The following FBXL7 variants were observed in gnomAD, a reference collection of about 807,000 sequenced individuals.
FBXL7 encodes F-box and leucine rich repeat protein 7.
Under a neutral mutation model 38.3 loss-of-function variants are expected in FBXL7, and 12 were observed. The observed-to-expected ratio is 0.31, with a 90% CI of 0.20 to 0.51. The LOEUF (loss-of-function observed/expected upper bound fraction) is 0.51. FBXL7 is among the 20% of genes least tolerant of loss of function. The pLI is 0.98. For missense variants in FBXL7, 567 were observed against 676.4 expected, an observed-to-expected ratio of 0.84 and a Z score of 1.79; for synonymous variants, 297 against 300.9, an observed-to-expected ratio of 0.99 and a Z score of 0.13.
chr5:15,625,322 T>C lies in FBXL7; in HGVS notation c.127+9250T>C, dbSNP rs1272492976. ...ATCTAAAGTATATGTAATAAAAAAT[T>C]ACTGAATAGTTATTTTACTGATTTT... On this transcript the variant is annotated intron_variant, in intron 2 of 3. Coordinates refer to ENST00000504595, the MANE Select transcript of FBXL7 (RefSeq NM_012304.5). Among the ~76,000 whole-genome samples the C allele has an allele frequency of 2.0e-5, 3 of 152,222 alleles. No homozygotes were observed. The East Asian group carries it at 5.8e-4, about 30-fold the overall frequency.
At chr5:15,799,237 A>T (rs1737494416) in intron 2 of FBXL7, among the ~76,000 whole-genome samples, 1 of 151,988 alleles carries the variant, frequency 6.6e-6, no homozygotes, top group African/African-American at 2.4e-5. Context: ...AGTTCTGTGG[A>T]TAGACAGAAG....
At chr5:15,537,526 C>T (rs905618932) in intron 1 of FBXL7, among the ~76,000 whole-genome samples, 2 of 152,252 alleles carry the variant, frequency 1.3e-5, no homozygotes, top group Non-Finnish European at 2.9e-5. Context: ...AAGAGCCGTT[C>T]TTCCCCATCC....
At chr5:15,812,239 A>T (rs1034282499) in intron 2 of FBXL7, among the ~76,000 whole-genome samples, 2 of 152,130 alleles carry the variant, frequency 1.3e-5, no homozygotes, top group Non-Finnish European at 2.9e-5. Context: ...ACATAGGAAC[A>T]AAAAAACAAA....
chr5:15,571,977 A>T (rs1738803409), intron 1 of FBXL7, among the ~76,000 whole-genome samples: 3 of 152,146 alleles, frequency 2.0e-5, no homozygotes, highest in Admixed American at 2.0e-4. Flanking sequence ...CAGAGCTTCC[A>T]GGTTCCGATT....
Position 15,936,711 on chromosome 5 carries a change from G to A in FBXL7, c.1001G>A (p.Cys334Tyr). 6.2e-7 allele frequency: 1 copy of A among 1,608,270 alleles called. No homozygotes were observed. The highest frequency in any genetic ancestry group is 8.5e-7 in the Non-Finnish European group (1 of 1,179,516). Residue 334 changes from cysteine to tyrosine, a missense_variant, in exon 4 of 4, where the codon TGC becomes TAC. Transcript: ENST00000504595. The surrounding 1 kb of genome is among the most constrained non-coding windows in gnomAD (Gnocchi z 6.0). Reference protein sequence around the residue: ...ASIKELSVSDCRFVSDFGLRE... With the variant: ...ASIKELSVSDYRFVSDFGLRE... ...ATCAAGGAGCTGAGCGTCAGCGACTGCCGCTTCGTCAGCGACTTCGGCCTG... is the reference window on the plus strand; with the variant it reads ...ATCAAGGAGCTGAGCGTCAGCGACTACCGCTTCGTCAGCGACTTCGGCCTG...
At chr5:15,544,784 A>G (rs964891112) in intron 1 of FBXL7, among the ~76,000 whole-genome samples, 1 of 152,140 alleles carries the variant, frequency 6.6e-6, no homozygotes, top group Non-Finnish European at 1.5e-5. Flanking sequence ...GGAGCATGGA[A>G]TAGTATCCTG....
At chr5:15,670,198 A>T (rs1050231030) in intron 2 of FBXL7, among the ~76,000 whole-genome samples, 16 of 152,340 alleles carry the variant, frequency 1.1e-4, no homozygotes, top group African/African-American at 2.9e-4. Context: ...CAACAGAAAA[A>T]GTCTATCTTA....
In FBXL7 at chr5:15,608,347, C is replaced by T. The variant is rs938256051; in HGVS notation, c.38-7636C>T. On this transcript the variant is annotated intron_variant, in intron 1 of 3. Coordinates refer to ENST00000504595, the MANE Select transcript of FBXL7 (RefSeq NM_012304.5). ...AGAGCTAATGGCTGTCTTTTGTTTG[C>T]GTGTGCATATCTTTATTTTATGGTT... Among the ~76,000 whole-genome samples, 29 of 152,030 alleles carry T rather than the reference C, an allele frequency of 1.9e-4. 1 individual carries two copies. The highest frequency in any genetic ancestry group is 3.4e-4 in the Non-Finnish European group (23 of 68,008).
At chr5:15,706,754 G>A (rs1460607416) in intron 2 of FBXL7, among the ~76,000 whole-genome samples, 1 of 152,192 alleles carries the variant, frequency 6.6e-6, no homozygotes, top group Non-Finnish European at 1.5e-5. Context: ...TTCCCTAAGT[G>A]TCTGATTTAA....
At chr5:15,704,513 A>C (rs1743623132) in intron 2 of FBXL7, among the ~76,000 whole-genome samples, 1 of 152,200 alleles carries the variant, frequency 6.6e-6, no homozygotes, top group Non-Finnish European at 1.5e-5. Context: ...GATTACAGAA[A>C]AGCACTATGA....
At chr5:15,635,835 C>T (rs1326071162) in intron 2 of FBXL7, among the ~76,000 whole-genome samples, 1 of 152,018 alleles carries the variant, frequency 6.6e-6, no homozygotes, top group Admixed American at 6.6e-5. Context: ...GGGCACCTGC[C>T]ACCTCCGTAG....
At chr5:15,860,464 T>C (rs1319214760) in intron 2 of FBXL7, among the ~76,000 whole-genome samples, 2 of 152,222 alleles carry the variant, frequency 1.3e-5, no homozygotes, top group African/African-American at 2.4e-5. Context: ...GGAATTCTGA[T>C]CCAAGCCTTG....
At chr5:15,879,420 A>G (rs977332415) in intron 2 of FBXL7, among the ~76,000 whole-genome samples, 1 of 152,186 alleles carries the variant, frequency 6.6e-6, no homozygotes, top group African/African-American at 2.4e-5. Flanking sequence ...GCCTCTCTGG[A>G]GGTTAAAGAG....
intron 2 of FBXL7, among the ~76,000 whole-genome samples, chr5:15,705,802 C>T (rs1343520639): frequency 4.0e-5 from 6 of 151,548 alleles, no homozygotes; most frequent in African/African-American, 9.7e-5. Context: ...AAACTGAACT[C>T]ATAATCTAAT....
intron 2 of FBXL7, among the ~76,000 whole-genome samples, chr5:15,644,013 A>G (rs969859594): frequency 2.0e-5 from 3 of 152,204 alleles, no homozygotes; most frequent in Non-Finnish European, 4.4e-5. Flanking sequence ...AGGGATGATG[A>G]ACCTGTCAGG....
intron 2 of FBXL7, among the ~76,000 whole-genome samples, chr5:15,681,670 T>G (rs528622344): frequency 8.5e-5 from 13 of 152,322 alleles, no homozygotes; most frequent in Admixed American, 8.5e-4. Flanking sequence ...AACTGTACTT[T>G]TAGTCAGATA....
At chr5:15,559,134 C>G (rs1315054093) in intron 1 of FBXL7, among the ~76,000 whole-genome samples, 1 of 152,104 alleles carries the variant, frequency 6.6e-6, no homozygotes, top group African/African-American at 2.4e-5. Context: ...GAAGAATGCA[C>G]AGGAACATAA....
chr5:15,519,311 C>G (rs1218620992), intron 1 of FBXL7, among the ~76,000 whole-genome samples: 5 of 152,024 alleles, frequency 3.3e-5, no homozygotes, highest in Non-Finnish European at 5.9e-5. Context: ...CCACTGCACT[C>G]CAGCCTGGGT....
At chr5:15,818,340 C>G (rs1480377947) in intron 2 of FBXL7, among the ~76,000 whole-genome samples, 1 of 152,002 alleles carries the variant, frequency 6.6e-6, no homozygotes. Flanking sequence ...GAAGAGAAAA[C>G]ATTGTACCAT....
Sources: gnomAD v4.1 joint callset for allele counts (sites outside exome capture counted in the v4.1 genomes callset) on GRCh38, gnomAD v4.1.1 for gene constraint, Gnocchi (gnomAD v3.1) non-coding constraint, MANE v1.5 for transcripts, NCBI Gene and HGNC (gene_info 2026-07-23, HGNC 2026-07-21) for gene names.